Variants in LATS2 observed in about 807,000 individuals in gnomAD.
LATS2 encodes the protein serine/threonine-protein kinase LATS2.
A neutral mutation model predicts 76.0 loss-of-function variants in LATS2; 24 were observed. The observed-to-expected ratio is 0.32, with a 90% CI of 0.23 to 0.44. LATS2 has a LOEUF of 0.44. Among genes scored for constraint, LATS2 ranks in the 20% least tolerant of loss-of-function variants. The pLI is 1.00. For synonymous variants in LATS2, 692 were observed against 635.4 expected (o/e 1.09, Z -1.34); for missense variants, 1,286 against 1,481.2 (o/e 0.87, Z 2.16).
At position 21,036,767 on chromosome 13, in the gene LATS2, C is replaced by T. The variant is rs552156184; in HGVS notation, c.342+8918G>A. 4.7e-3 allele frequency among the ~76,000 whole-genome samples: 634 copies of T among 136,016 alleles called. 8 individuals carry two copies. The highest frequency in any genetic ancestry group is 0.015 in the African/African-American group (603 of 39,212). The allele number at this position is 136,016 out of a possible 152,430, so 89.2% of individuals were successfully genotyped here. A position where few individuals can be genotyped will look rare whatever the true frequency, so the allele number is the denominator to read the frequency against. ...CAGCCTGGGCGACAGAGCAAAACTCCGTCTCAAAACAACAACAACAACAAC... is the reference window on the plus strand; with the variant it reads ...CAGCCTGGGCGACAGAGCAAAACTCTGTCTCAAAACAACAACAACAACAAC... On this transcript the variant is annotated intron_variant, in intron 2 of 7. Transcript: ENST00000382592.
chr13:21,019,087 C>T (rs1871929347), intron 2 of LATS2, among the ~76,000 whole-genome samples: 1 of 152,154 alleles, frequency 6.6e-6, no homozygotes, highest in Non-Finnish European at 1.5e-5. Flanking sequence ...TGCTTTCTCC[C>T]TATGTGGTCT....
In LATS2 at chr13:20,983,636, A is replaced by G; in HGVS notation, c.2070T>C (p.Thr690=). ...GEVCLACKVD[T]HALYAMKTLR... ...GGGTCTTCATGGCGTACAGGGCGTG[A>G]GTGTCCACCTTACAAGCAAGGCACA... Residue 690 remains threonine, a synonymous_variant, in exon 5 of 8, where the codon ACT becomes ACC. Transcript: ENST00000382592. The G allele has an allele frequency of 1.2e-6, 2 of 1,614,064 alleles. No individual in the cohort carries two copies. The highest frequency in any genetic ancestry group is 1.7e-6 in the Non-Finnish European group (2 of 1,180,014).
intron 1 of LATS2, among the ~76,000 whole-genome samples, chr13:21,057,456 C>T (rs1873482440): frequency 6.6e-6 from 1 of 152,218 alleles, no homozygotes; most frequent in Non-Finnish European, 1.5e-5. Flanking sequence ...CTAATTTTAA[C>T]ATCATAACCA....
intron 4 of LATS2, among the ~76,000 whole-genome samples, chr13:20,985,442 A>G (rs748542423): frequency 4.6e-5 from 7 of 152,234 alleles, no homozygotes; most frequent in Non-Finnish European, 1.0e-4. Context: ...AATCCCATTA[A>G]AAAGTAAGCC....
At chr13:21,007,557 ATATATATATATAT>A (rs1408061791) in intron 2 of LATS2, among the ~76,000 whole-genome samples, 1 of 16,040 alleles carries the variant, frequency 6.2e-5, no homozygotes, top group Non-Finnish European at 8.4e-5. Context: ...ATATATATAT[ATATATATATATAT>A]ATATATATAT....
rs1869516548 is a variant in LATS2 at position 20,974,802 on chromosome 13, C to CT, written c.*67dup. On this transcript the variant is annotated 3_prime_UTR_variant, in exon 8 of 8. Coordinates refer to ENST00000382592, the MANE Select transcript of LATS2 (RefSeq NM_014572.3). ...AACAGCCCTCGGCTTCCCTATTGGC[C>CT]TGTGAGGGCACCGGCTCCGGGACCC... 7.3e-6 allele frequency: 11 copies of CT among 1,516,512 alleles called. No homozygotes were observed. The highest frequency in any genetic ancestry group is 8.9e-6 in the Non-Finnish European group (10 of 1,129,196). 93.9% of individuals were successfully genotyped at this position (1,516,512 alleles called of 1,614,324 possible). A position where few individuals can be genotyped will look rare whatever the true frequency, so the allele number is the denominator to read the frequency against.
intron 2 of LATS2, among the ~76,000 whole-genome samples, chr13:21,041,652 G>A (rs1353400228): frequency 6.6e-6 from 1 of 152,098 alleles, no homozygotes; most frequent in Non-Finnish European, 1.5e-5. Flanking sequence ...CAGAGAAAAA[G>A]CCCATGCCAG....
intron 2 of LATS2, chr13:21,038,553 G>A (rs946189421): frequency 6.6e-6 from 1 of 151,954 alleles, no homozygotes. Flanking sequence ...GTCAAAAATC[G>A]CCAGTGCTGA....
In LATS2 at chr13:20,991,002, C is replaced by T. The variant is rs1870483649; in HGVS notation, c.475+270G>A. On this transcript the variant is annotated intron_variant, in intron 3 of 7. Transcript: ENST00000382592. This position sits in a 1 kb window ranked among gnomAD's most constrained non-coding sequence, Gnocchi z 4.9. ...TTTCATAAAACAAGCACACACCTTC[C>T]CCTAGGTAGGAAGTACTAAGGTAAT... Among the ~76,000 whole-genome samples the T allele has an allele frequency of 6.6e-6, 1 of 152,250 alleles. No homozygotes were observed. The highest frequency in any genetic ancestry group is 1.5e-5 in the Non-Finnish European group (1 of 68,036).
chr13:20,974,892 C>CT lies in LATS2; in HGVS notation c.3244_3245insA (p.Gly1082GlufsTer44). Reference sequence around the variant, plus strand: ...CATCTACACGTACACAGGCTGGCAGCCTTCAGTCTGATCCACCAGATCAGA... The same window carrying CT: ...CATCTACACGTACACAGGCTGGCAGCTCTTCAGTCTGATCCACCAGATCAGA... On this transcript the variant is annotated frameshift_variant, in exon 8 of 8. Coordinates refer to ENST00000382592, the MANE Select transcript of LATS2 (RefSeq NM_014572.3). LOFTEE classifies it high-confidence loss of function. The CT allele has an allele frequency of 6.2e-7, 1 of 1,613,072 alleles. No homozygotes were observed. Among genetic ancestry groups the CT allele is most frequent in the Non-Finnish European group, 8.5e-7 (1 of 1,179,606 alleles).
At chr13:21,050,647 A>C (rs1873242361) in intron 1 of LATS2, among the ~76,000 whole-genome samples, 1 of 152,202 alleles carries the variant, frequency 6.6e-6, no homozygotes, top group African/African-American at 2.4e-5. Flanking sequence ...GGTCTGGGCT[A>C]TTACAAATGG....
At chr13:21,054,814 A>T (rs2138417766) in intron 1 of LATS2, among the ~76,000 whole-genome samples, 1 of 152,308 alleles carries the variant, frequency 6.6e-6, no homozygotes, top group South Asian at 2.1e-4. Context: ...TCAAACATAC[A>T]AAAAGGTTGA....
At chr13:21,041,084 T>G (rs953357232) in intron 2 of LATS2, among the ~76,000 whole-genome samples, 1 of 152,040 alleles carries the variant, frequency 6.6e-6, no homozygotes, top group Non-Finnish European at 1.5e-5. Context: ...ACCATTCTCC[T>G]GCCTCAGCCT....
Position 20,974,329 on chromosome 13 carries a change from T to C in LATS2, c.*541A>G, listed in dbSNP as rs1869487867. 4.4e-6 allele frequency: 1 copy of C among 225,952 alleles called. No homozygotes were observed. Among genetic ancestry groups the C allele is most frequent in the Non-Finnish European group, 8.8e-6 (1 of 113,966 alleles). The allele number at this position is 225,952 out of a possible 1,614,324, so 14.0% of individuals were successfully genotyped here. A position where few individuals can be genotyped will look rare whatever the true frequency, so the allele number is the denominator to read the frequency against. On this transcript the variant is annotated 3_prime_UTR_variant, in exon 8 of 8. Coordinates refer to ENST00000382592, the MANE Select transcript of LATS2 (RefSeq NM_014572.3). ...AAAAAAAGCAGCTTTTAACATTATA[T>C]CATTATATCACAATTTTGAAACATG...
At chr13:21,014,439 G>C (rs905208411) in intron 2 of LATS2, among the ~76,000 whole-genome samples, 1 of 152,208 alleles carries the variant, frequency 6.6e-6, no homozygotes, top group South Asian at 2.1e-4. Context: ...AGCTGATCCT[G>C]AAGTATGAAT....
rs114742524 is a variant in LATS2 at position 20,976,256 on chromosome 13, C to T, written c.2773-892G>A. On this transcript the variant is annotated intron_variant, in intron 7 of 7. Coordinates refer to ENST00000382592, the MANE Select transcript of LATS2 (RefSeq NM_014572.3). ...GCTACCAGCTGGGGTGATGGGACAG[C>T]GGATAAGGCATGGAAGTTAGTGGGT... 6.4e-4 allele frequency among the ~76,000 whole-genome samples: 97 copies of T among 152,146 alleles called. 1 individual carries two copies. The highest frequency in any genetic ancestry group is 2.3e-3 in the African/African-American group (94 of 41,508).
In LATS2 at chr13:20,973,683, T is replaced by C. The variant is rs1869443890; in HGVS notation, c.*1187A>G. The C allele has an allele frequency of 8.7e-6, 2 of 230,468 alleles. No individual in the cohort carries two copies. Among genetic ancestry groups the C allele is most frequent in the South Asian group, 3.6e-4 (2 of 5,486 alleles). 14.3% of individuals were successfully genotyped at this position (230,468 alleles called of 1,614,324 possible). ...TAAGATTTGATACTTCAAAGTACAC[T>C]AAAAGAACAAAAAAAAAGTGAGAGA... is the stretch of plus-strand genomic sequence containing the variant. On this transcript the variant is annotated 3_prime_UTR_variant, in exon 8 of 8. Coordinates refer to ENST00000382592, the MANE Select transcript of LATS2 (RefSeq NM_014572.3).
In LATS2 at chr13:20,989,114, G is replaced by A. The variant is rs368510782; in HGVS notation, c.666C>T (p.His222=). 1.0e-5 allele frequency: 16 copies of A among 1,605,644 alleles called. No individual in the cohort carries two copies. Among genetic ancestry groups the A allele is most frequent in the African/African-American group, 6.7e-5 (5 of 74,836 alleles). Residue 222 remains histidine (H), a synonymous_variant, in exon 4 of 8, where the codon CAC becomes CAT. Coordinates refer to ENST00000382592, the MANE Select transcript of LATS2 (RefSeq NM_014572.3). ...VDYLFPGVGP[H]GPGHQHQHPP... is the part of the protein sequence containing the mutation. The stretch of plus-strand genomic sequence containing the variant: ...GGTGCTGGTGCTGGTGGCCGGGCCC[G>A]TGGGGGCCGACTCCGGGGAAAAGGT...
At chr13:21,050,482 T>C (rs944067023) in intron 1 of LATS2, among the ~76,000 whole-genome samples, 12 of 152,214 alleles carry the variant, frequency 7.9e-5, no homozygotes, top group Non-Finnish European at 8.8e-5. Context: ...CTCTGTAGTT[T>C]AGCACATTTC....
Sources: allele counts gnomAD v4.1 joint callset (sites outside exome capture counted in the v4.1 genomes callset), GRCh38; gene constraint gnomAD v4.1.1; non-coding constraint Gnocchi (gnomAD v3.1); transcripts MANE v1.5; gene names NCBI Gene and HGNC (gene_info 2026-07-23, HGNC 2026-07-21).